The following IGSF9 variants were observed in gnomAD, a reference collection of about 807,000 sequenced individuals.
IGSF9 encodes immunoglobulin superfamily member 9.
In IGSF9, 87 loss-of-function variants were observed where a neutral mutation model predicts 121.7. The ratio of observed to expected loss-of-function variants is 0.71; its 90% CI spans 0.60 to 0.85. IGSF9 has a LOEUF of 0.85. Ranked by LOEUF, IGSF9 falls within the 40% of genes least tolerant of loss-of-function variation. IGSF9 has a pLI of 0.00. For synonymous variants in IGSF9, 640 were observed against 648.4 expected, an observed-to-expected ratio of 0.99 and a Z score of 0.20; for missense variants, 1,462 against 1,565.3, an observed-to-expected ratio of 0.93 and a Z score of 1.11.
chr1:159,929,995 C>A lies in IGSF9; in HGVS notation c.2065-20G>T. 6.3e-7 allele frequency: 1 copy of A among 1,592,940 alleles called. No individual in the cohort carries two copies. Among genetic ancestry groups the A allele is most frequent in the Non-Finnish European group, 8.5e-7 (1 of 1,171,126 alleles). ...AACATCCTGCGATGGGGATGGGGTA[C>A]CAGGAGGGAGGTCAGGGCCCAGCAC... On this transcript the variant is annotated intron_variant, in intron 15 of 20. Transcript: ENST00000368094.
chr1:159,939,159 C>T (rs1253753969), intron 3 of IGSF9, among the ~76,000 whole-genome samples: 3 of 152,190 alleles, frequency 2.0e-5, no homozygotes, highest in Admixed American at 2.0e-4. Context: ...TGCCAGTCTC[C>T]CTGCCTCCAG....
rs115464963 is a variant in IGSF9 at position 159,927,745 on chromosome 1, G to A, written c.3358+15C>T. 9.8e-4 allele frequency: 1,579 copies of A among 1,609,124 alleles called. 13 individuals are homozygous for A. The African/African-American group carries it at 0.019, about 19-fold the overall frequency. Reference sequence around the variant, plus strand: ...GTATGGCCGAGATGCCTGCCTTTCCGGGGGGCTCACACACCTAGCTCTGGC... The same window carrying A: ...GTATGGCCGAGATGCCTGCCTTTCCAGGGGGCTCACACACCTAGCTCTGGC... On this transcript the variant is annotated intron_variant, in intron 20 of 20. Coordinates refer to ENST00000368094, the MANE Select transcript of IGSF9 (RefSeq NM_001135050.2).
At position 159,929,758 on chromosome 1, in the gene IGSF9, G is replaced by C. The variant is rs756987473; in HGVS notation, c.2206C>G (p.Leu736Val). The C allele has an allele frequency of 1.2e-6, 2 of 1,605,866 alleles. No individual in the cohort carries two copies. The highest frequency in any genetic ancestry group is 2.2e-5 in the South Asian group (2 of 89,518). Residue 736 changes from leucine to valine, a missense_variant, in exon 17 of 21, where the codon CTG becomes GTG. Transcript: ENST00000368094. ...CAGACTCCGCCCACCACGCCGGCCA[G>C]CACGGGCTGAGGCAGGAGGCCCGGC... The part of the protein sequence containing the change: ...QLPGLLPQPV[L>V]AGVVGGVCFL...
At chr1:159,941,092 C>T (rs1045760151) in intron 3 of IGSF9, among the ~76,000 whole-genome samples, 2 of 149,364 alleles carry the variant, frequency 1.3e-5, no homozygotes, top group African/African-American at 5.1e-5. Flanking sequence ...TTGATAAATC[C>T]AGTCTCCTCT....
intron 18 of IGSF9, 22 bp downstream of exon 18, chr1:159,929,329 C>A: frequency 6.2e-7 from 1 of 1,612,700 alleles, no homozygotes; most frequent in Non-Finnish European, 8.5e-7. Flanking sequence ...CAGAAGAAAG[C>A]CAAGGAGGTG....
chr1:159,942,683 G>A lies in IGSF9; in HGVS notation c.247+280C>T, dbSNP rs190870429. The stretch of plus-strand genomic sequence containing the variant: ...TAGAATGGATATTTGGAATAGGGCT[G>A]CAGGATCTCCTTTGGAACAGACCAC... On this transcript the variant is annotated intron_variant, in intron 3 of 20. Transcript: ENST00000368094. Among the ~76,000 whole-genome samples the A allele has an allele frequency of 3.9e-5, 6 of 152,292 alleles. No homozygotes were observed. In the East Asian group the frequency reaches 1.2e-3, roughly 29 times the overall value.
At chr1:159,930,540 AG>A in intron 14 of IGSF9, 101 bp from the exon 15 acceptor site, 1 of 1,521,068 alleles carries the variant, frequency 6.6e-7, no homozygotes, top group Non-Finnish European at 8.8e-7. Context: ...GAACCCCTGA[AG>A]ACAAGCTCAA....
At chr1:159,937,545 A>T in intron 4 of IGSF9, 141 bp downstream of exon 4, 1 of 857,766 alleles carries the variant, frequency 1.2e-6, no homozygotes, top group Non-Finnish European at 1.8e-6. Context: ...GTGAGCAAAC[A>T]AGGGCTCTCA....
chr1:159,929,590 G>C, intron 17 of IGSF9, 48 bp downstream of exon 17: 1 of 1,561,618 alleles, frequency 6.4e-7, no homozygotes, highest in South Asian at 1.2e-5. Flanking sequence ...GGCTTAAGGA[G>C]GCTAGGCCCA....
In IGSF9 at chr1:159,936,379, G is replaced by C; in HGVS notation, c.673+20C>G. 1.2e-6 allele frequency: 2 copies of C among 1,604,570 alleles called. No individual in the cohort carries two copies. Among genetic ancestry groups the C allele is most frequent in the Non-Finnish European group, 1.7e-6 (2 of 1,171,752 alleles). On this transcript the variant is annotated intron_variant, in intron 6 of 20. Coordinates refer to ENST00000368094, the MANE Select transcript of IGSF9 (RefSeq NM_001135050.2). ...CTTGCATAGGTAACCCTGGACCCCA[G>C]CCCTCCCGCCAGAGAGCACCTAGCA...
intron 14 of IGSF9, 97 bp downstream of exon 14, chr1:159,930,595 C>T: frequency 6.4e-7 from 1 of 1,567,668 alleles, no homozygotes; most frequent in East Asian, 2.2e-5. Context: ...TGGCCAGCAC[C>T]TCTGCCCCTT....
chr1:159,943,413 G>A lies in IGSF9; in HGVS notation c.42C>T (p.Ile14=). Residue 14 remains isoleucine (I), a synonymous_variant, in exon 2 of 21, where the codon ATC becomes ATT. Transcript: ENST00000368094. ...TCAGCTTACCGTCAGCCCCCTGGCT[G>A]ATGACCAGGCTGAGGACGGCCAGGC... ...CLGLAVLSLV[I]SQGADGRGKP... 1 of 1,589,312 alleles carries A rather than the reference G, an allele frequency of 6.3e-7. No individual in the cohort carries two copies. The highest frequency in any genetic ancestry group is 8.6e-7 in the Non-Finnish European group (1 of 1,167,406).
Position 159,928,581 on chromosome 1 carries a change from T to G in IGSF9, c.2807A>C (p.Asn936Thr). ...YLSLPFFREM[N>T]VDGDWPPLEE... ...AAGCGGGGGCCAGTCCCCATCCACA[T>G]TCATCTCTCGGAAGAAGGGCAGGCT... The change falls in exon 19 of 21, where the codon AAT (asparagine) becomes ACT (threonine). Residue 936 changes from asparagine to threonine, a missense_variant. Physicochemically the swap from Asn to Thr is moderately conservative, Grantham distance 65. This residue lies in a region of IGSF9 where 808 missense variants were observed against 815.2 expected (regional missense o/e 0.99). Coordinates refer to ENST00000368094, the MANE Select transcript of IGSF9 (RefSeq NM_001135050.2). 3.9e-6 allele frequency: 6 copies of G among 1,519,768 alleles called. No individual in the cohort carries two copies. Among genetic ancestry groups the G allele is most frequent in the Non-Finnish European group, 5.3e-6 (6 of 1,132,180 alleles). The allele number at this position is 1,519,768 out of a possible 1,614,324, so 94.1% of individuals were successfully genotyped here.
chr1:159,932,716 G>C lies in IGSF9; in HGVS notation c.1105-64C>G. 1 of 1,515,190 alleles carries C rather than the reference G, an allele frequency of 6.6e-7. No individual in the cohort carries two copies. The highest frequency in any genetic ancestry group is 9.0e-7 in the Non-Finnish European group (1 of 1,117,118). The allele number at this position is 1,515,190 out of a possible 1,614,324, so 93.9% of individuals were successfully genotyped here. On this transcript the variant is annotated intron_variant, in intron 9 of 20. Transcript: ENST00000368094. This position sits in a 1 kb window ranked among gnomAD's most constrained non-coding sequence, Gnocchi z 4.1. ...CAGCAGAGACAAGCCCGGGATGGCA[G>C]TACAAGAGAGGGGGCAGGATGAGAA...
chr1:159,934,273 C>A lies in IGSF9; in HGVS notation c.1021G>T (p.Val341Leu). The change falls in exon 9 of 21, where the codon GTG becomes TTG. Residue 341 changes from valine (V) to leucine (L), a missense_variant. By Grantham distance (32) the Val-to-Leu change is conservative. This residue lies in a region of IGSF9 where 558 missense variants were observed against 599.4 expected (regional missense o/e 0.93). Transcript: ENST00000368094. ...ETPLPIGMPG[V>L]IRCPVRANPP... The stretch of plus-strand genomic sequence containing the variant: ...TTGGCACGAACCGGGCAGCGGATCA[C>A]CCCCGGCATGCCTATGGGCAGGGGT... 1 of 1,613,318 alleles carries A rather than the reference C, an allele frequency of 6.2e-7. No homozygotes were observed. Among genetic ancestry groups the A allele is most frequent in the Admixed American group, 1.7e-5 (1 of 59,928 alleles).
At chr1:159,929,421 C>T in intron 17 of IGSF9, 28 bp from the exon 18 acceptor site, 1 of 1,612,494 alleles carries the variant, frequency 6.2e-7, no homozygotes, top group Non-Finnish European at 8.5e-7. Context: ...TAGTAGGTGA[C>T]ACAGGCAAAA....
At chr1:159,934,597 G>A (rs372630582) in intron 7 of IGSF9, 27 bp from the exon 8 acceptor site, 2 of 1,613,360 alleles carry the variant, frequency 1.2e-6, no homozygotes, top group Admixed American at 3.3e-5. Flanking sequence ...GTGAGGAGGG[G>A]TCCAGGCCTT....
chr1:159,933,366 A>T (rs1651069346), intron 9 of IGSF9: 2 of 152,374 alleles, frequency 1.3e-5, no homozygotes, highest in Admixed American at 6.5e-5. Flanking sequence ...ACAAAGATAT[A>T]CTGAGTACTA....
intron 4 of IGSF9, 45 bp downstream of exon 4, chr1:159,937,640 CT>C (rs1651238844): frequency 6.3e-7 from 1 of 1,586,230 alleles, no homozygotes; most frequent in South Asian, 1.1e-5. Flanking sequence ...GATCCCCATC[CT>C]CCTCCTCCCC....
Sources: gnomAD v4.1 joint callset for allele counts (sites outside exome capture counted in the v4.1 genomes callset) on GRCh38, gnomAD v4.1.1 for gene constraint, gnomAD v4.1.1 regional missense constraint, Gnocchi (gnomAD v3.1) non-coding constraint, MANE v1.5 for transcripts, NCBI Gene and HGNC (gene_info 2026-07-23, HGNC 2026-07-21) for gene names.